NCAM2: variants seen among roughly 807,000 people sequenced by gnomAD.
NCAM2 encodes neural cell adhesion molecule 2.
NCAM2 carries 30 observed loss-of-function variants against 98.1 expected under a neutral mutation model. That is an observed-to-expected ratio of 0.31 (90% CI 0.23 to 0.41). The LOEUF (loss-of-function observed/expected upper bound fraction) is 0.41. Among genes scored for constraint, NCAM2 ranks in the 10% least tolerant of loss-of-function variants. The pLI, the probability that NCAM2 is intolerant of heterozygous loss-of-function variation, is 1.00. For missense variants in NCAM2, 867 were observed against 1,005.8 expected (o/e 0.86, Z 1.87); for synonymous variants, 368 against 342.4 (o/e 1.07, Z -0.83).
At chr21:21,522,031 A>G (rs949045895) in intron 16 of NCAM2, among the ~76,000 whole-genome samples, 3 of 148,474 alleles carry the variant, frequency 2.0e-5, no homozygotes, top group East Asian at 3.9e-4. Context: ...AGATATAAAT[A>G]TATTATTCAT....
intron 12 of NCAM2, among the ~76,000 whole-genome samples, chr21:21,441,107 C>G (rs946704287): frequency 1.3e-5 from 2 of 152,118 alleles, no homozygotes; most frequent in African/African-American, 4.8e-5. Flanking sequence ...TTTTTAAATT[C>G]TGGAAGTGTT....
At chr21:21,241,408 T>C (rs1439915557) in intron 1 of NCAM2, among the ~76,000 whole-genome samples, 2 of 152,178 alleles carry the variant, frequency 1.3e-5, no homozygotes, top group South Asian at 2.1e-4. Flanking sequence ...TAAGTTCTCC[T>C]TTGAATTATA....
At chr21:21,452,994 T>A (rs13053116) in intron 12 of NCAM2, among the ~76,000 whole-genome samples, 1,311 of 88,216 alleles carry the variant, frequency 0.015, 15 homozygotes, top group Admixed American at 0.025. Flanking sequence ...TATATTATAT[T>A]ATATAATATA....
chr21:21,529,666 A>G (rs1602567812), intron 16 of NCAM2, among the ~76,000 whole-genome samples: 1 of 151,980 alleles, frequency 6.6e-6, no homozygotes, highest in Non-Finnish European at 1.5e-5. Context: ...TTAATTAATC[A>G]ATAATATCAC....
intron 8 of NCAM2, among the ~76,000 whole-genome samples, chr21:21,349,327 G>T (rs1022724249): frequency 3.3e-5 from 5 of 152,030 alleles, no homozygotes; most frequent in African/African-American, 9.7e-5. Flanking sequence ...ATATGAAAAG[G>T]TGCTCAATGT....
At chr21:21,059,749 T>G (rs2065283590) in intron 1 of NCAM2, among the ~76,000 whole-genome samples, 1 of 152,070 alleles carries the variant, frequency 6.6e-6, no homozygotes, top group Non-Finnish European at 1.5e-5. Flanking sequence ...TTAGCCAATG[T>G]CTAGAGACAT....
Position 21,130,456 on chromosome 21 carries a change from A to G in NCAM2, c.55+131838A>G, listed in dbSNP as rs569032885. Among the ~76,000 whole-genome samples, 76 of 152,246 alleles carry G rather than the reference A, an allele frequency of 5.0e-4. 1 individual carries two copies. The South Asian group carries it at 0.015, about 30-fold the overall frequency. On this transcript the variant is annotated intron_variant, in intron 1 of 17. Coordinates refer to ENST00000400546, the MANE Select transcript of NCAM2 (RefSeq NM_004540.5). ...TAATGGTACGTGCATCAATCTCCCAAACTTTTATTTGACTGTGTAACTGTG... is the reference window on the plus strand; with the variant it reads ...TAATGGTACGTGCATCAATCTCCCAGACTTTTATTTGACTGTGTAACTGTG...
chr21:21,234,003 A>G (rs1458331310), intron 1 of NCAM2, among the ~76,000 whole-genome samples: 1 of 151,832 alleles, frequency 6.6e-6, no homozygotes, highest in Non-Finnish European at 1.5e-5. Flanking sequence ...TTAAGAGCGT[A>G]TAAAAGTTCA....
At chr21:21,375,598 C>G (rs1882180450) in intron 9 of NCAM2, among the ~76,000 whole-genome samples, 1 of 151,614 alleles carries the variant, frequency 6.6e-6, no homozygotes, top group Admixed American at 6.6e-5. Flanking sequence ...CAGTATATTT[C>G]TTTTTCAGAC....
chr21:21,298,623 AT>A, intron 5 of NCAM2, among the ~76,000 whole-genome samples: 3 of 149,584 alleles, frequency 2.0e-5, no homozygotes, highest in Non-Finnish European at 4.5e-5. Flanking sequence ...AGATAGATAG[AT>A]AGATAGATGA....
At chr21:21,338,330 T>A in intron 7 of NCAM2, 59 bp from the exon 8 acceptor site, 1 of 1,498,288 alleles carries the variant, frequency 6.7e-7, no homozygotes, top group Admixed American at 1.8e-5. Context: ...TCATGACTTT[T>A]GTCTGAGAAG....
At position 21,216,226 on chromosome 21, in the gene NCAM2, G is replaced by A. The variant is rs144326076; in HGVS notation, c.56-64352G>A. On this transcript the variant is annotated intron_variant, in intron 1 of 17. Coordinates refer to ENST00000400546, the MANE Select transcript of NCAM2 (RefSeq NM_004540.5). The stretch of plus-strand genomic sequence containing the variant: ...TCCCAGACCCTTAATTAGCTGGCAC[G>A]AGGAGTCTCTAACATCTGGGAAAGA... 3.5e-4 allele frequency among the ~76,000 whole-genome samples: 54 copies of A among 152,250 alleles called. No homozygotes were observed. The East Asian group carries it at 9.5e-3, about 27-fold the overall frequency.
chr21:21,200,918 A>G (rs748503370), intron 1 of NCAM2, among the ~76,000 whole-genome samples: 1 of 152,050 alleles, frequency 6.6e-6, no homozygotes, highest in Non-Finnish European at 1.5e-5. Flanking sequence ...GGGTGTAGTG[A>G]TAATATGTGT....
At chr21:21,363,351 C>A (rs2075696960) in intron 8 of NCAM2, among the ~76,000 whole-genome samples, 1 of 152,074 alleles carries the variant, frequency 6.6e-6, no homozygotes, top group South Asian at 2.1e-4. Flanking sequence ...TGTCATATTG[C>A]AGATATTACC....
At chr21:21,205,306 G>C (rs1443017598) in intron 1 of NCAM2, among the ~76,000 whole-genome samples, 1 of 152,116 alleles carries the variant, frequency 6.6e-6, no homozygotes, top group African/African-American at 2.4e-5. Flanking sequence ...CAACATGTCA[G>C]AATTAACTGT....
Position 21,324,498 on chromosome 21 carries a change from C to T in NCAM2, c.735C>T (p.Phe245=), listed in dbSNP as rs576734338. The stretch of plus-strand genomic sequence containing the variant: ...CTCCAGAACCCGCCATCTCCTGGTT[C>T]AGGTAGGTTATGCACCCCCCTCCCT... ...SGSPEPAISW[F]RNGKLIEENE... Residue 245 remains phenylalanine (F), a splice_region_variant and synonymous_variant, in exon 6 of 18, where the codon TTC becomes TTT. Coordinates refer to ENST00000400546, the MANE Select transcript of NCAM2 (RefSeq NM_004540.5). 4 of 1,603,282 alleles carry T rather than the reference C, an allele frequency of 2.5e-6. No homozygotes were observed. Among genetic ancestry groups the T allele is most frequent in the African/African-American group, 2.7e-5 (2 of 74,594 alleles).
chr21:21,185,314 T>C (rs1310226504), intron 1 of NCAM2, among the ~76,000 whole-genome samples: 3 of 152,142 alleles, frequency 2.0e-5, no homozygotes, highest in Admixed American at 6.6e-5. Context: ...AGTTGGAGAT[T>C]AGCAAAGACT....
intron 11 of NCAM2, among the ~76,000 whole-genome samples, chr21:21,420,219 AT>A (rs926418303): frequency 3.9e-5 from 6 of 152,190 alleles, no homozygotes; most frequent in African/African-American, 1.4e-4. Context: ...TTTGTTGAAA[AT>A]ATTTTATTTT....
chr21:21,214,771 A>G (rs2147100878), intron 1 of NCAM2, among the ~76,000 whole-genome samples: 1 of 120,302 alleles, frequency 8.3e-6, no homozygotes, highest in Admixed American at 8.9e-5. Context: ...CATATATGTA[A>G]TATATATATA....
Sources: allele counts gnomAD v4.1 joint callset (sites outside exome capture counted in the v4.1 genomes callset), GRCh38; gene constraint gnomAD v4.1.1; transcripts MANE v1.5; gene names NCBI Gene and HGNC (gene_info 2026-07-23, HGNC 2026-07-21).